Variants in NEK5 observed in about 807,000 individuals in gnomAD.
The protein encoded by NEK5 is NIMA related kinase 5.
In NEK5, 88 loss-of-function variants were observed where a neutral mutation model predicts 109.2. The ratio of observed to expected loss-of-function variants is 0.81; its 90% CI spans 0.68 to 0.96. The LOEUF is 0.96. Ranked by LOEUF, NEK5 falls within the 40% of genes least tolerant of loss-of-function variation. NEK5 has a pLI of 0.00. For synonymous variants in NEK5, 283 were observed against 299.9 expected, an observed-to-expected ratio of 0.94 and a Z score of 0.58; for missense variants, 834 against 920.7, an observed-to-expected ratio of 0.91 and a Z score of 1.22.
chr13:52,061,756 A>T, intron 22 of NEK5, 63 bp downstream of exon 22: 1 of 692,932 alleles, frequency 1.4e-6, no homozygotes. Context: ...CCCTTTCAGC[A>T]TTTGCAAGTC....
intron 17 of NEK5, among the ~76,000 whole-genome samples, chr13:52,078,958 C>T (rs576064388): frequency 1.3e-5 from 2 of 152,324 alleles, no homozygotes; most frequent in South Asian, 4.1e-4. Flanking sequence ...AAGTCATAGT[C>T]CTGATTTCAG....
At chr13:52,059,744 A>T (rs1468388680) in intron 22 of NEK5, among the ~76,000 whole-genome samples, 7 of 151,856 alleles carry the variant, frequency 4.6e-5, no homozygotes, top group African/African-American at 1.5e-4. Context: ...CATAGGTGGG[A>T]ATTGAACAAT....
chr13:52,052,675 A>G (rs905760789), intron 22 of NEK5, among the ~76,000 whole-genome samples: 1 of 149,156 alleles, frequency 6.7e-6, no homozygotes, highest in African/African-American at 2.5e-5. Flanking sequence ...AATTCTTTGT[A>G]AAAAAAAAAG....
At chr13:52,119,923 G>A (rs1322479080) in intron 3 of NEK5, among the ~76,000 whole-genome samples, 2 of 152,104 alleles carry the variant, frequency 1.3e-5, no homozygotes, top group African/African-American at 2.4e-5. Flanking sequence ...AAGTATTTGG[G>A]TGTATTTTCT....
chr13:52,066,933 C>G (rs1954700897), intron 20 of NEK5, among the ~76,000 whole-genome samples: 1 of 151,850 alleles, frequency 6.6e-6, no homozygotes, highest in Non-Finnish European at 1.5e-5. Context: ...ACAATCTTCC[C>G]CAAACTGTTA....
chr13:52,113,720 T>A (rs757749230), intron 4 of NEK5, among the ~76,000 whole-genome samples: 17 of 152,138 alleles, frequency 1.1e-4, no homozygotes, highest in Non-Finnish European at 2.4e-4. Flanking sequence ...AGGATCCAAA[T>A]GTCTTTGTCT....
In NEK5 at chr13:52,044,011, G is replaced by C. The variant is rs184489322; in HGVS notation, c.2228+6093C>G. Reference sequence around the variant, plus strand: ...ATTAACATTTGAGTCAGTGGGCTGGGAAAGGCAGACTCACCCTTAATCTGA... The same window carrying C: ...ATTAACATTTGAGTCAGTGGGCTGGCAAAGGCAGACTCACCCTTAATCTGA... On this transcript the variant is annotated intron_variant, in intron 23 of 23. Coordinates refer to ENST00000684899, the MANE Select transcript of NEK5 (RefSeq NM_001365552.1). 3.3e-4 allele frequency among the ~76,000 whole-genome samples: 50 copies of C among 152,316 alleles called. 1 individual carries two copies. In the East Asian group the frequency reaches 4.4e-3, roughly 14 times the overall value.
At chr13:52,098,400 A>G (rs902319026) in intron 12 of NEK5, among the ~76,000 whole-genome samples, 1 of 151,164 alleles carries the variant, frequency 6.6e-6, no homozygotes, top group Admixed American at 6.7e-5. Context: ...TATATCAAGT[A>G]AACACTTAGT....
chr13:52,093,342 C>G (rs1955336489), intron 12 of NEK5, 107 bp from the exon 13 acceptor site: 2 of 736,310 alleles, frequency 2.7e-6, no homozygotes, highest in Admixed American at 2.2e-5. Context: ...GGTGGATCAC[C>G]TGAGGTCAGG....
intron 17 of NEK5, 86 bp downstream of exon 17, chr13:52,083,174 G>T: frequency 2.3e-6 from 2 of 887,398 alleles, no homozygotes; most frequent in Non-Finnish European, 3.7e-6. Flanking sequence ...TCCCTACGTG[G>T]TTCTGCTGCA....
chr13:52,119,674 G>A (rs1955932678), intron 3 of NEK5, among the ~76,000 whole-genome samples: 1 of 152,056 alleles, frequency 6.6e-6, no homozygotes, highest in African/African-American at 2.4e-5. Flanking sequence ...TGGACTGGTG[G>A]TACCGTGTTC....
chr13:52,091,025 CAA>C (rs879501839), intron 13 of NEK5, among the ~76,000 whole-genome samples: 3 of 133,214 alleles, frequency 2.3e-5, no homozygotes, highest in Non-Finnish European at 4.9e-5. Flanking sequence ...GACTCTGTCT[CAA>C]AAAAAAAAAA....
At position 52,076,877 on chromosome 13, in the gene NEK5, A is replaced by T. The variant is rs1473638974; in HGVS notation, c.1573-734T>A. 2.6e-5 allele frequency among the ~76,000 whole-genome samples: 4 copies of T among 152,340 alleles called. No individual in the cohort carries two copies. The East Asian group carries it at 7.7e-4, about 29-fold the overall frequency. On this transcript the variant is annotated intron_variant, in intron 17 of 23. Transcript: ENST00000684899. ...CTCAAAATGGGTTAGCACAGTGGAC[A>T]TGACCAGAAAGGTCCCTGCTGACAC...
At chr13:52,079,235 G>A (rs1302353251) in intron 17 of NEK5, among the ~76,000 whole-genome samples, 1 of 143,686 alleles carries the variant, frequency 7.0e-6, no homozygotes, top group African/African-American at 2.6e-5. Context: ...AAGCCTGGAG[G>A]TTAAAAGGAA....
intron 23 of NEK5, among the ~76,000 whole-genome samples, chr13:52,043,404 G>A (rs1431222837): frequency 6.6e-6 from 1 of 151,662 alleles, no homozygotes; most frequent in Non-Finnish European, 1.5e-5. Flanking sequence ...AGGCATGGTG[G>A]CAGGTACCTG....
intron 21 of NEK5, among the ~76,000 whole-genome samples, chr13:52,063,702 A>G (rs1270581004): frequency 1.5e-3 from 191 of 123,588 alleles, no homozygotes; most frequent in Non-Finnish European, 1.8e-3. Context: ...CTGGGATGTG[A>G]GAAGCGCCTC....
intron 22 of NEK5, among the ~76,000 whole-genome samples, chr13:52,057,044 C>A (rs1291818804): frequency 6.6e-6 from 1 of 151,358 alleles, no homozygotes; most frequent in Non-Finnish European, 1.5e-5. Flanking sequence ...AATTGATAAA[C>A]CGCTAGCAAG....
intron 12 of NEK5, among the ~76,000 whole-genome samples, chr13:52,095,420 GA>G (rs1300892452): frequency 6.6e-6 from 1 of 152,198 alleles, no homozygotes; most frequent in African/African-American, 2.4e-5. Context: ...AGGAATATCA[GA>G]GGTAGTTCCT....
rs1406225341 is a variant in NEK5 at position 52,050,103 on chromosome 13, C to T, written c.2228+1G>A. 8.3e-6 allele frequency: 8 copies of T among 964,724 alleles called. No individual in the cohort carries two copies. The highest frequency in any genetic ancestry group is 1.1e-4 in the East Asian group (1 of 8,724). The allele number at this position is 964,724 out of a possible 1,614,324, so 59.8% of individuals were successfully genotyped here. ...TAGGTATCGGCAAATGATCTACTTACGTATCATCATCATCAGATCTTGGTT... is the reference window on the plus strand; with the variant it reads ...TAGGTATCGGCAAATGATCTACTTATGTATCATCATCATCAGATCTTGGTT... On this transcript the variant is annotated splice_donor_variant, in intron 23 of 23. Transcript: ENST00000684899. LOFTEE classifies it high-confidence loss of function.
Sources: allele counts gnomAD v4.1 joint callset (sites outside exome capture counted in the v4.1 genomes callset), GRCh38; gene constraint gnomAD v4.1.1; transcripts MANE v1.5; gene names NCBI Gene and HGNC (gene_info 2026-07-23, HGNC 2026-07-21).